The following PARD3 variants were observed in gnomAD, a reference collection of about 807,000 sequenced individuals.
The protein encoded by PARD3 is partitioning defective 3 homolog.
Under a neutral mutation model 155.4 loss-of-function variants are expected in PARD3, and 75 were observed. The observed-to-expected ratio is 0.48, with a 90% CI of 0.40 to 0.58. PARD3 has a LOEUF of 0.58. Among genes scored for constraint, PARD3 ranks in the 20% least tolerant of loss-of-function variants. PARD3 has a pLI of 0.00. For missense variants in PARD3, 1,642 were observed against 1,721.7 expected, an observed-to-expected ratio of 0.95 and a Z score of 0.82; for synonymous variants, 576 against 610.5, an observed-to-expected ratio of 0.94 and a Z score of 0.83.
At chr10:34,178,538 G>A (rs1335172354) in intron 22 of PARD3, among the ~76,000 whole-genome samples, 1 of 152,134 alleles carries the variant, frequency 6.6e-6, no homozygotes, top group Non-Finnish European at 1.5e-5. Context: ...TGATCCCAAG[G>A]AAAAACAGGG....
chr10:34,349,984 C>A (rs557572593), intron 14 of PARD3, among the ~76,000 whole-genome samples: 1 of 152,136 alleles, frequency 6.6e-6, no homozygotes, highest in Non-Finnish European at 1.5e-5. Flanking sequence ...AAAAACCAAG[C>A]ACTTGAACAT....
At chr10:34,793,624 T>A (rs144709557) in intron 1 of PARD3, among the ~76,000 whole-genome samples, 1 of 143,252 alleles carries the variant, frequency 7.0e-6, no homozygotes. Context: ...CCATCTCTAC[T>A]AAAAATGCAA....
At chr10:34,174,081 C>A (rs567456976) in intron 22 of PARD3, among the ~76,000 whole-genome samples, 20 of 152,194 alleles carry the variant, frequency 1.3e-4, no homozygotes, top group African/African-American at 4.6e-4. Flanking sequence ...GTGGATGGAC[C>A]GTTAAACCTC....
In PARD3 at chr10:34,393,869, G is replaced by C. The variant is rs1589417203; in HGVS notation, c.890+5461C>G. ...TTTTTTTTTTTTGAGACAGAGTCTT[G>C]CTCTGTCACCTGGGCTAGAGTGCAG... On this transcript the variant is annotated intron_variant, in intron 7 of 24. Transcript: ENST00000374788. Among the ~76,000 whole-genome samples, 3 of 137,602 alleles carry C rather than the reference G, an allele frequency of 2.2e-5. 1 individual carries two copies. Among genetic ancestry groups the C allele is most frequent in the African/African-American group, 8.2e-5 (3 of 36,644 alleles). The allele number at this position is 137,602 out of a possible 152,430, so 90.3% of individuals were successfully genotyped here. A position where few individuals can be genotyped will look rare whatever the true frequency, so the allele number is the denominator to read the frequency against.
intron 20 of PARD3, among the ~76,000 whole-genome samples, chr10:34,310,893 G>GA (rs1189561678): frequency 7.9e-5 from 12 of 152,312 alleles, no homozygotes; most frequent in African/African-American, 2.6e-4. Flanking sequence ...TGACAAACAA[G>GA]AAAGCAAATA....
intron 3 of PARD3, among the ~76,000 whole-genome samples, chr10:34,488,081 T>C (rs1225266196): frequency 6.6e-6 from 1 of 152,182 alleles, no homozygotes; most frequent in East Asian, 1.9e-4. Context: ...ACTAGCAATT[T>C]GCCAATTTCA....
chr10:34,483,882 G>A (rs760494100), intron 3 of PARD3, among the ~76,000 whole-genome samples: 2 of 152,174 alleles, frequency 1.3e-5, no homozygotes, highest in African/African-American at 4.8e-5. Flanking sequence ...CTTGCCTTAG[G>A]TGTGATCTGT....
intron 3 of PARD3, among the ~76,000 whole-genome samples, chr10:34,476,781 TCAGGGTAACTCC>T (rs1371064390): frequency 4.6e-5 from 7 of 152,196 alleles, no homozygotes; most frequent in Non-Finnish European, 8.8e-5. Flanking sequence ...GCAGCCATGC[TCAGGGTAACTCC>T]CAACAGGTCA....
chr10:34,516,140 T>C (rs2081745965), intron 3 of PARD3, among the ~76,000 whole-genome samples: 1 of 152,054 alleles, frequency 6.6e-6, no homozygotes, highest in Admixed American at 6.6e-5. Context: ...AATTTTTGTA[T>C]TTTTAGTAGA....
At chr10:34,607,169 C>CA (rs2090533581) in intron 2 of PARD3, among the ~76,000 whole-genome samples, 1 of 152,168 alleles carries the variant, frequency 6.6e-6, no homozygotes, top group East Asian at 1.9e-4. Flanking sequence ...TCGAAACTGA[C>CA]AGAGCTTCAC....
chr10:34,369,678 A>C (rs892521134), intron 12 of PARD3, among the ~76,000 whole-genome samples: 2 of 152,130 alleles, frequency 1.3e-5, no homozygotes, highest in African/African-American at 4.8e-5. Context: ...AAGAATCATA[A>C]CTGTATGCAC....
At chr10:34,558,648 C>T (rs1210680653) in intron 2 of PARD3, among the ~76,000 whole-genome samples, 2 of 152,082 alleles carry the variant, frequency 1.3e-5, no homozygotes, top group African/African-American at 2.4e-5. Context: ...TGCACACTGC[C>T]GGCCTGGTGC....
intron 2 of PARD3, among the ~76,000 whole-genome samples, chr10:34,581,130 T>C (rs1321974124): frequency 6.6e-6 from 1 of 152,184 alleles, no homozygotes; most frequent in Non-Finnish European, 1.5e-5. Context: ...TCATAATTAT[T>C]GCACTGTTTA....
rs149508186 is a variant in PARD3 at position 34,588,425 on chromosome 10, C to T, written c.223-71266G>A. On this transcript the variant is annotated intron_variant, in intron 2 of 24. Transcript: ENST00000374788. ...CCCCAAATATTTAAACAAAGCTTCT[C>T]TTCCTTAACCAACTGCAAATCTGAA... 2.0e-5 allele frequency among the ~76,000 whole-genome samples: 3 copies of T among 152,300 alleles called. No individual in the cohort carries two copies. The East Asian group carries it at 5.8e-4, about 29-fold the overall frequency.
At chr10:34,423,011 C>T (rs927477155) in intron 5 of PARD3, among the ~76,000 whole-genome samples, 3 of 152,026 alleles carry the variant, frequency 2.0e-5, no homozygotes, top group Non-Finnish European at 4.4e-5. Flanking sequence ...TTTACATTAG[C>T]GAAGACATGG....
chr10:34,698,634 T>G (rs1425013418), intron 1 of PARD3, among the ~76,000 whole-genome samples: 1 of 152,132 alleles, frequency 6.6e-6, no homozygotes, highest in African/African-American at 2.4e-5. Flanking sequence ...CTCCAACTCC[T>G]GGGCTCAAGC....
At chr10:34,808,496 T>C (rs922165412) in intron 1 of PARD3, among the ~76,000 whole-genome samples, 3 of 152,210 alleles carry the variant, frequency 2.0e-5, no homozygotes, top group Admixed American at 2.0e-4. Flanking sequence ...TCTACTGCCA[T>C]TGACCTTGGT....
At chr10:34,722,228 T>TTA (rs1345685807) in intron 1 of PARD3, among the ~76,000 whole-genome samples, 10 of 152,022 alleles carry the variant, frequency 6.6e-5, no homozygotes, top group Admixed American at 4.6e-4. Flanking sequence ...TTATATATTT[T>TTA]TATATATATA....
intron 12 of PARD3, among the ~76,000 whole-genome samples, chr10:34,371,169 G>A (rs1840565160): frequency 6.6e-6 from 1 of 151,750 alleles, no homozygotes; most frequent in African/African-American, 2.4e-5. Flanking sequence ...AGTATAAATT[G>A]CTATTGTACC....
Sources: allele counts gnomAD v4.1 joint callset (sites outside exome capture counted in the v4.1 genomes callset), GRCh38; gene constraint gnomAD v4.1.1; transcripts MANE v1.5; gene names NCBI Gene and HGNC (gene_info 2026-07-23, HGNC 2026-07-21).